The following SVEP1 variants were observed in gnomAD, a reference collection of about 807,000 sequenced individuals.
The protein encoded by SVEP1 is sushi, von Willebrand factor type A, EGF and pentraxin domain-containing protein 1.
Under a neutral mutation model 367.3 loss-of-function variants are expected in SVEP1, and 164 were observed. The observed-to-expected ratio is 0.45, with a 90% CI of 0.39 to 0.51. The LOEUF is 0.51. Ranked by LOEUF, SVEP1 falls within the 20% of genes least tolerant of loss-of-function variation. SVEP1 has a pLI of 0.00. For missense variants in SVEP1, 4,117 were observed against 4,425.3 expected (o/e 0.93, Z 1.98); for synonymous variants, 1,666 against 1,611.6 (o/e 1.03, Z -0.81).
chr9:110,374,049 T>C (rs549095906), intron 46 of SVEP1, among the ~76,000 whole-genome samples: 7 of 152,352 alleles, frequency 4.6e-5, no homozygotes, highest in African/African-American at 1.7e-4. Context: ...GTTTGTTATA[T>C]AGGTACACTT....
intron 39 of SVEP1, among the ~76,000 whole-genome samples, chr9:110,401,936 A>C (rs887124608): frequency 6.6e-5 from 10 of 152,114 alleles, no homozygotes; most frequent in Non-Finnish European, 1.3e-4. Flanking sequence ...CCCTCATTCT[A>C]CATATGAACC....
intron 27 of SVEP1, among the ~76,000 whole-genome samples, chr9:110,437,779 C>T (rs1828453709): frequency 6.6e-6 from 1 of 151,954 alleles, no homozygotes; most frequent in African/African-American, 2.4e-5. Context: ...GTCTTTTATC[C>T]CTCACCCACT....
At position 110,369,838 on chromosome 9, in the gene SVEP1, G is replaced by C. The variant is rs534283511; in HGVS notation, c.10694+85C>G. On this transcript the variant is annotated intron_variant, in intron 47 of 47. Coordinates refer to ENST00000374469, the MANE Select transcript of SVEP1 (RefSeq NM_153366.4). ...AAAATACTTACAGTCAAACTAGACA[G>C]AGATAACTTCTGGCTCTTAGGACAA... 3.7e-6 allele frequency: 4 copies of C among 1,081,016 alleles called. No individual in the cohort carries two copies. The South Asian group carries it at 6.4e-5, about 17-fold the overall frequency. 67.0% of individuals were successfully genotyped at this position (1,081,016 alleles called of 1,614,324 possible).
At chr9:110,558,275 T>C (rs1341777520) in intron 1 of SVEP1, among the ~76,000 whole-genome samples, 1 of 145,522 alleles carries the variant, frequency 6.9e-6, no homozygotes, top group Non-Finnish European at 1.5e-5. Flanking sequence ...GGCAGGCAGA[T>C]TGATTGAGCC....
chr9:110,435,149 G>T (rs1319218896), intron 29 of SVEP1, 92 bp downstream of exon 29: 4 of 1,439,908 alleles, frequency 2.8e-6, no homozygotes, highest in Non-Finnish European at 3.7e-6. Flanking sequence ...CATACGATTG[G>T]ACCGATAGAG....
Position 110,404,503 on chromosome 9 carries a change from G to C in SVEP1, c.9490C>G (p.Gln3164Glu). 1 of 1,613,946 alleles carries C rather than the reference G, an allele frequency of 6.2e-7. No individual in the cohort carries two copies. Among genetic ancestry groups the C allele is most frequent in the Non-Finnish European group, 8.5e-7 (1 of 1,179,888 alleles). Reference sequence around the variant, plus strand: ...TCAGGGAACCAGCGACCATCTTTCTGACAGGTGAATGTATCTGTATCTGTA... The same window carrying C: ...TCAGGGAACCAGCGACCATCTTTCTCACAGGTGAATGTATCTGTATCTGTA... The part of the protein sequence containing the change: ...MDTDTDTFTC[Q>E]KDGRWFPERI... The change falls in exon 39 of 48, where the codon CAG (glutamine) becomes GAG (glutamate). Residue 3164 changes from glutamine to glutamate, a missense_variant. Around this residue, in one of 4 missense-constraint regions of SVEP1, gnomAD observed 1,765 missense variants for 1,781.1 expected, o/e 0.99. Coordinates refer to ENST00000374469, the MANE Select transcript of SVEP1 (RefSeq NM_153366.4).
At chr9:110,447,422 A>G (rs1336147802) in intron 24 of SVEP1, among the ~76,000 whole-genome samples, 3 of 152,222 alleles carry the variant, frequency 2.0e-5, no homozygotes, top group African/African-American at 7.2e-5. Flanking sequence ...TAATACTAGT[A>G]TTATTCCCAT....
chr9:110,429,670 C>T (rs1828321194), intron 34 of SVEP1, among the ~76,000 whole-genome samples: 1 of 152,080 alleles, frequency 6.6e-6, no homozygotes, highest in African/African-American at 2.4e-5. Context: ...AGCATCCACT[C>T]TCAGGGTGCC....
intron 33 of SVEP1, 93 bp from the exon 34 acceptor site, chr9:110,430,097 TGTTTG>T (rs1828327327): frequency 7.1e-7 from 1 of 1,400,282 alleles, no homozygotes; most frequent in African/African-American, 1.6e-5. Flanking sequence ...TTTTTTTGTT[TGTTTG>T]TTTTCTTTTT....
At chr9:110,434,306 A>G (rs1453693879) in intron 30 of SVEP1, 30 bp downstream of exon 30, 1 of 1,575,704 alleles carries the variant, frequency 6.3e-7, no homozygotes, top group South Asian at 1.1e-5. Context: ...TTCAAAAGTC[A>G]CTGAAATGGC....
At chr9:110,371,805 G>GGTT (rs2118937598) in intron 46 of SVEP1, among the ~76,000 whole-genome samples, 1 of 152,244 alleles carries the variant, frequency 6.6e-6, no homozygotes, top group South Asian at 2.1e-4. Flanking sequence ...GCTCTTTTGT[G>GGTT]GTTGTTTCTC....
At chr9:110,381,791 A>T (rs1335702189) in intron 43 of SVEP1, among the ~76,000 whole-genome samples, 1 of 152,180 alleles carries the variant, frequency 6.6e-6, no homozygotes, top group Non-Finnish European at 1.5e-5. Context: ...GTGAGGTGTT[A>T]AAGTCTCCCA....
rs1827923617 is a variant in SVEP1, at chr9:110,404,456, T to C, written c.9537A>G (p.Lys3179=). Residue 3179 remains lysine (K), a synonymous_variant, in exon 39 of 48, where the codon AAA becomes AAG. Transcript: ENST00000374469. ...TTATGTTTTCCGGGAGAGGACATTT[T>C]TTAGGACTGCAGGAGATTCTCTCAG... is the stretch of plus-strand genomic sequence containing the variant. ...WFPERISCSP[K]KCPLPENITH... 6.2e-7 allele frequency: 1 copy of C among 1,613,880 alleles called. No homozygotes were observed. The highest frequency in any genetic ancestry group is 1.7e-5 in the Admixed American group (1 of 60,002).
At chr9:110,397,246 A>C (rs201872419) in intron 40 of SVEP1, among the ~76,000 whole-genome samples, 791 of 114,722 alleles carry the variant, frequency 6.9e-3, no homozygotes, top group South Asian at 1.0e-2. Flanking sequence ...CAAAAACCAC[A>C]TGATTATCTC....
chr9:110,458,332 C>A, intron 20 of SVEP1, 139 bp downstream of exon 20: 1 of 724,492 alleles, frequency 1.4e-6, no homozygotes, highest in Non-Finnish European at 2.3e-6. Context: ...ATTGTAAATA[C>A]AATTATTCAT....
Position 110,434,521 on chromosome 9 carries a change from C to A in SVEP1, c.4889-15G>T. The A allele has an allele frequency of 1.2e-6, 2 of 1,611,482 alleles. No individual in the cohort carries two copies. The highest frequency in any genetic ancestry group is 1.7e-6 in the Non-Finnish European group (2 of 1,179,008). The stretch of plus-strand genomic sequence containing the variant: ...GCGTGGGCAATCTGAGGGCAAAGAA[C>A]ACAGGTGCAGAGCTTGTCAGCGGCA... On this transcript the variant is annotated splice_polypyrimidine_tract_variant and intron_variant, in intron 29 of 47. Transcript: ENST00000374469.
chr9:110,508,475 A>G (rs903174183), intron 5 of SVEP1, among the ~76,000 whole-genome samples: 5 of 152,162 alleles, frequency 3.3e-5, no homozygotes, highest in South Asian at 2.1e-4. Context: ...GAAATGCAGA[A>G]TTCTGGCCGG....
intron 46 of SVEP1, among the ~76,000 whole-genome samples, chr9:110,370,810 G>C: frequency 6.6e-6 from 1 of 152,152 alleles, no homozygotes; most frequent in South Asian, 2.1e-4. Flanking sequence ...ACTCCCTGTA[G>C]GAAGGAAATA....
Position 110,408,814 on chromosome 9 carries a change from G to C in SVEP1, c.6786C>G (p.Leu2262=). ...HSESPLMCVP[L]DCGKPPPIQN... ...GGATCGGGGGAGGTTTTCCACAGTC[G>C]AGAGGAACACACATCAGAGGGGATT... Residue 2262 remains leucine, a synonymous_variant, in exon 38 of 48, where the codon CTC becomes CTG. Coordinates refer to ENST00000374469, the MANE Select transcript of SVEP1 (RefSeq NM_153366.4). 2 of 1,613,006 alleles carry C rather than the reference G, an allele frequency of 1.2e-6. No individual in the cohort carries two copies. The highest frequency in any genetic ancestry group is 8.5e-7 in the Non-Finnish European group (1 of 1,179,874).
Sources: gnomAD v4.1 joint callset for allele counts (sites outside exome capture counted in the v4.1 genomes callset) on GRCh38, gnomAD v4.1.1 for gene constraint, gnomAD v4.1.1 regional missense constraint, MANE v1.5 for transcripts, NCBI Gene and HGNC (gene_info 2026-07-23, HGNC 2026-07-21) for gene names.